FAM118A: variants seen among roughly 807,000 people sequenced by gnomAD.
The protein encoded by FAM118A is protein FAM118A.
A neutral mutation model predicts 38.2 loss-of-function variants in FAM118A; 25 were observed. The ratio of observed to expected loss-of-function variants is 0.65; its 90% CI spans 0.48 to 0.91. The LOEUF (loss-of-function observed/expected upper bound fraction) is 0.91. FAM118A is among the 40% of genes least tolerant of loss of function. The pLI is 0.00. For missense variants in FAM118A, 425 were observed against 463.3 expected, an observed-to-expected ratio of 0.92 and a Z score of 0.76; for synonymous variants, 178 against 184.1, an observed-to-expected ratio of 0.97 and a Z score of 0.27.
At chr22:45,316,723 G>A (rs2084622591) in intron 1 of FAM118A, among the ~76,000 whole-genome samples, 1 of 152,154 alleles carries the variant, frequency 6.6e-6, no homozygotes, top group Non-Finnish European at 1.5e-5. Flanking sequence ...AGTGTGAGGC[G>A]CTTTTGTCAC....
intron 1 of FAM118A, among the ~76,000 whole-genome samples, chr22:45,314,766 T>A (rs942024583): frequency 2.6e-5 from 4 of 152,228 alleles, no homozygotes; most frequent in African/African-American, 9.6e-5. Context: ...AGTAACACGT[T>A]TATTTGAGTT....
intron 3 of FAM118A, among the ~76,000 whole-genome samples, chr22:45,324,789 G>T (rs2085140372): frequency 6.6e-6 from 1 of 152,204 alleles, no homozygotes; most frequent in Non-Finnish European, 1.5e-5. Context: ...GCTCACGCCT[G>T]TAATCCCAGC....
At chr22:45,333,868 GT>G (rs1170467282) in intron 6 of FAM118A, among the ~76,000 whole-genome samples, 1 of 152,068 alleles carries the variant, frequency 6.6e-6, no homozygotes, top group Non-Finnish European at 1.5e-5. Context: ...TAACTTTGAA[GT>G]TTACAGCTGT....
chr22:45,337,805 G>A (rs1171063518), intron 8 of FAM118A: 1 of 984,994 alleles, frequency 1.0e-6, no homozygotes, highest in Non-Finnish European at 1.2e-6. Flanking sequence ...CCAGTGTGGG[G>A]TCGCCTCCTG....
At chr22:45,320,222 T>C (rs2084792610) in intron 1 of FAM118A, among the ~76,000 whole-genome samples, 1 of 152,110 alleles carries the variant, frequency 6.6e-6, no homozygotes, top group Non-Finnish European at 1.5e-5. Flanking sequence ...CCCAGCACTT[T>C]GGGAGGCCGA....
At chr22:45,325,015 C>G (rs139633246) in intron 3 of FAM118A, among the ~76,000 whole-genome samples, 1 of 152,196 alleles carries the variant, frequency 6.6e-6, no homozygotes, top group Non-Finnish European at 1.5e-5. Flanking sequence ...CCATTGCACT[C>G]TATCCTGGGC....
intron 1 of FAM118A, among the ~76,000 whole-genome samples, chr22:45,314,596 C>G (rs1216381483): frequency 6.6e-6 from 1 of 152,208 alleles, no homozygotes; most frequent in Non-Finnish European, 1.5e-5. Flanking sequence ...TTTCATGTAA[C>G]CTTTAAGATC....
rs770269926 is a variant in FAM118A, at chr22:45,340,440, G to A, written c.*35G>A. 1.1e-5 allele frequency: 18 copies of A among 1,612,986 alleles called. No homozygotes were observed. Among genetic ancestry groups the A allele is most frequent in the Non-Finnish European group, 1.5e-5 (18 of 1,179,028 alleles). ...AGTAAAACCTGCAACTTGAAAACTA[G>A]CCTTCTGTAACCACAGTGCCCAAAC... On this transcript the variant is annotated 3_prime_UTR_variant, in exon 9 of 9. Transcript: ENST00000441876.
intron 6 of FAM118A, among the ~76,000 whole-genome samples, chr22:45,333,412 C>A (rs914927425): frequency 6.6e-6 from 1 of 152,044 alleles, no homozygotes; most frequent in Non-Finnish European, 1.5e-5. Flanking sequence ...CGATAGCTCA[C>A]GCCTGTAATC....
At chr22:45,324,390 G>A (rs764752091) in intron 3 of FAM118A, among the ~76,000 whole-genome samples, 3 of 152,330 alleles carry the variant, frequency 2.0e-5, no homozygotes, top group South Asian at 2.1e-4. Flanking sequence ...CGGGGAGTGC[G>A]TGGAGGAGGG....
At chr22:45,324,390 G>T (rs764752091) in intron 3 of FAM118A, among the ~76,000 whole-genome samples, 6 of 152,212 alleles carry the variant, frequency 3.9e-5, no homozygotes, top group African/African-American at 1.2e-4. Flanking sequence ...CGGGGAGTGC[G>T]TGGAGGAGGG....
At chr22:45,312,582 G>A (rs974798829) in intron 1 of FAM118A, among the ~76,000 whole-genome samples, 4 of 152,282 alleles carry the variant, frequency 2.6e-5, no homozygotes, top group African/African-American at 9.6e-5. Context: ...GCTGAGGCAC[G>A]AGAATCCCTT....
At position 45,340,471 on chromosome 22, in the gene FAM118A, G is replaced by A; in HGVS notation, c.*66G>A. The A allele has an allele frequency of 6.4e-7, 1 of 1,557,406 alleles. No individual in the cohort carries two copies. Among genetic ancestry groups the A allele is most frequent in the Non-Finnish European group, 8.9e-7 (1 of 1,128,220 alleles). ...TGTAACCACAGTGCCCAAACGAAGA[G>A]GAATGTATGGAGAACTCCACGTGGA... On this transcript the variant is annotated 3_prime_UTR_variant, in exon 9 of 9. Coordinates refer to ENST00000441876, the MANE Select transcript of FAM118A (RefSeq NM_017911.4).
rs1389739151 is a variant in FAM118A at position 45,332,696 on chromosome 22, A to C, written c.923A>C (p.Lys308Thr). 3 of 1,602,714 alleles carry C rather than the reference A, an allele frequency of 1.9e-6. No individual in the cohort carries two copies. Among genetic ancestry groups the C allele is most frequent in the Non-Finnish European group, 2.6e-6 (3 of 1,172,846 alleles). ...CAAGACCTTGCCACTCAGATCTGCAAACAGCAAAGCCCAGGTATGGGATCT... is the reference window on the plus strand; with the variant it reads ...CAAGACCTTGCCACTCAGATCTGCACACAGCAAAGCCCAGGTATGGGATCT... ...YVQDLATQIC[K>T]QQSPDADRVD... The change falls in exon 6 of 9, where the codon AAA becomes ACA. Residue 308 changes from lysine to threonine, a missense_variant. Lys to Thr is a moderately conservative substitution (Grantham distance 78, BLOSUM62 -1). Transcript: ENST00000441876.
intron 4 of FAM118A, 50 bp from the exon 5 acceptor site, chr22:45,330,553 T>C (rs1267394015): frequency 1.4e-6 from 2 of 1,472,278 alleles, no homozygotes; most frequent in Admixed American, 2.6e-5. Context: ...TTCTCTCTGT[T>C]TGAAACAGTT....
At chr22:45,314,403 G>T (rs192561450) in intron 1 of FAM118A, among the ~76,000 whole-genome samples, 216 of 152,342 alleles carry the variant, frequency 1.4e-3, no homozygotes, top group Middle Eastern at 0.014. Flanking sequence ...TGGTAAAGAG[G>T]TAGAAATGAG....
In FAM118A at chr22:45,332,645, G is replaced by T; in HGVS notation, c.872G>T (p.Cys291Phe). Residue 291 changes from cysteine to phenylalanine, a missense_variant, in exon 6 of 9, where the codon TGT becomes TTT. Coordinates refer to ENST00000441876, the MANE Select transcript of FAM118A (RefSeq NM_017911.4). ...HGIKVVSYGD[C>F]FDHFPGYVQD... ...ATCAAAGTTGTATCCTACGGGGACT[G>T]TTTTGACCACTTTCCAGGATATGTG... The T allele has an allele frequency of 6.2e-7, 1 of 1,614,184 alleles. No individual in the cohort carries two copies. The highest frequency in any genetic ancestry group is 8.5e-7 in the Non-Finnish European group (1 of 1,180,012).
At chr22:45,339,147 A>T (rs1054705859) in intron 8 of FAM118A, among the ~76,000 whole-genome samples, 2 of 152,184 alleles carry the variant, frequency 1.3e-5, no homozygotes, top group Admixed American at 1.3e-4. Flanking sequence ...GTTCACGCCT[A>T]TATTACCAGC....
intron 3 of FAM118A, among the ~76,000 whole-genome samples, chr22:45,325,050 A>G (rs1256928367): frequency 6.6e-6 from 1 of 152,110 alleles, no homozygotes; most frequent in Non-Finnish European, 1.5e-5. Flanking sequence ...TCCATCTCAA[A>G]ATATTTTCTC....
Sources: allele counts gnomAD v4.1 joint callset (sites outside exome capture counted in the v4.1 genomes callset), GRCh38; gene constraint gnomAD v4.1.1; transcripts MANE v1.5; gene names NCBI Gene and HGNC (gene_info 2026-07-23, HGNC 2026-07-21).